The following GPSM1 variants were observed in gnomAD, a reference collection of about 807,000 sequenced individuals.
The protein encoded by GPSM1 is G protein signaling modulator 1.
In GPSM1, 48 loss-of-function variants were observed where a neutral mutation model predicts 70.5. The ratio of observed to expected loss-of-function variants is 0.68; its 90% confidence interval spans 0.54 to 0.87. The LOEUF is 0.87. GPSM1 is among the 40% of genes least tolerant of loss of function. The probability of loss-of-function intolerance (pLI) is 0.00; values close to 1 mark genes in which losing one functional copy is unlikely to be tolerated. For missense variants in GPSM1, 981 were observed against 972.6 expected, an observed-to-expected ratio of 1.01 and a Z score of -0.11; for synonymous variants, 416 against 430.1, an observed-to-expected ratio of 0.97 and a Z score of 0.41.
intron 10 of GPSM1, 79 bp downstream of exon 10, chr9:136,348,846 C>T (rs782460029): frequency 1.1e-4 from 112 of 1,042,468 alleles, no homozygotes; most frequent in Non-Finnish European, 1.5e-4. Context: ...GCAGAGCCAC[C>T]GCCACCCACC....
At chr9:136,344,153 T>TGCGGACAGGATCGGGGGGAGGC (rs1564349546) in intron 9 of GPSM1, among the ~76,000 whole-genome samples, 38 of 72,252 alleles carry the variant, frequency 5.3e-4, no homozygotes, top group African/African-American at 1.5e-3. Context: ...ACGGGGGAGG[T>TGCGGACAGGATCGGGGGGAGGC]GCGGACAGGA....
intron 9 of GPSM1, among the ~76,000 whole-genome samples, chr9:136,348,202 C>T (rs1243321226): frequency 2.0e-5 from 3 of 152,200 alleles, no homozygotes; most frequent in Non-Finnish European, 2.9e-5. Context: ...CATCTGAGGC[C>T]TTTGCGTCCC....
intron 9 of GPSM1, among the ~76,000 whole-genome samples, chr9:136,347,865 C>T (rs1165162036): frequency 2.0e-5 from 3 of 152,228 alleles, no homozygotes; most frequent in Non-Finnish European, 2.9e-5. Flanking sequence ...TTTCGGGCCC[C>T]GCAGGGCTGA....
chr9:136,338,784 G>A (rs1294617653), intron 7 of GPSM1, 74 bp downstream of exon 7: 1 of 1,421,572 alleles, frequency 7.0e-7, no homozygotes, highest in South Asian at 1.4e-5. Context: ...AGGCGAGGTG[G>A]CCTGGGTCCC....
intron 11 of GPSM1, among the ~76,000 whole-genome samples, chr9:136,350,350 C>T (rs533353299): frequency 6.6e-6 from 1 of 152,258 alleles, no homozygotes; most frequent in Admixed American, 6.5e-5. Flanking sequence ...AACACAGTCC[C>T]TGGGGGAATC....
intron 11 of GPSM1, chr9:136,353,252 C>T (rs1478944999): frequency 1.3e-5 from 3 of 239,004 alleles, no homozygotes; most frequent in African/African-American, 6.9e-5. Flanking sequence ...CGGGTGCATT[C>T]CCCTCCTCCG....
intron 1 of GPSM1, chr9:136,332,063 C>A (rs1277608531): frequency 2.5e-6 from 1 of 398,926 alleles, no homozygotes; most frequent in East Asian, 3.6e-5. Context: ...CGGAGAAGGC[C>A]GTGTGCAAGG....
chr9:136,337,002 G>C lies in GPSM1; in HGVS notation c.508G>C (p.Ala170Pro). 6.4e-7 allele frequency: 1 copy of C among 1,553,264 alleles called. No individual in the cohort carries two copies. Among genetic ancestry groups the C allele is most frequent in the South Asian group, 1.2e-5 (1 of 84,194 alleles). Residue 170 changes from alanine to proline, a missense_variant, in exon 4 of 14, where the codon GCC becomes CCC. Physicochemically the swap from Ala to Pro is conservative, Grantham distance 27. Transcript: ENST00000440944. ...GKQLSWNAAN[A>P]TQDPGHLPPD... ...GCAACTGTCCTGGAACGCCGCAAACGCCACGCAGGACCCCGGGCACCTGCC... is the reference window on the plus strand; with the variant it reads ...GCAACTGTCCTGGAACGCCGCAAACCCCACGCAGGACCCCGGGCACCTGCC...
intron 11 of GPSM1, among the ~76,000 whole-genome samples, chr9:136,352,555 C>T (rs1199034173): frequency 6.6e-6 from 1 of 152,206 alleles, no homozygotes; most frequent in African/African-American, 2.4e-5. Flanking sequence ...GAGGCAGCAA[C>T]CAGAGGCTTG....
Position 136,358,362 on chromosome 9 carries a change from G to C in GPSM1, c.*142G>C. The stretch of plus-strand genomic sequence containing the variant: ...CGGCCTCCCCGACCCAGGGCGACAG[G>C]CTCAGGCCAAGCTGCCCGTGGTGGG... On this transcript the variant is annotated 3_prime_UTR_variant, in exon 14 of 14. Coordinates refer to ENST00000440944, the MANE Select transcript of GPSM1 (RefSeq NM_001145638.3). 1.3e-6 allele frequency: 1 copy of C among 790,708 alleles called. No homozygotes were observed. The highest frequency in any genetic ancestry group is 1.7e-5 in the South Asian group (1 of 60,130). The allele number at this position is 790,708 out of a possible 1,614,324, so 49.0% of individuals were successfully genotyped here. A position where few individuals can be genotyped will look rare whatever the true frequency, so the allele number is the denominator to read the frequency against.
At position 136,342,887 on chromosome 9, in the gene GPSM1, C is replaced by T. The variant is rs1446363128; in HGVS notation, c.1207+1894C>T. Among the ~76,000 whole-genome samples, 9 of 140,252 alleles carry T rather than the reference C, an allele frequency of 6.4e-5. No individual in the cohort carries two copies. The highest frequency in any genetic ancestry group is 2.3e-4 in the African/African-American group (9 of 38,650). The allele number at this position is 140,252 out of a possible 152,430, so 92.0% of individuals were successfully genotyped here. ...AGGAGGAAGTCGTCTGGAGGTGGGG[C>T]TTCAGCCCGGCGGGGACGCGGTGGG... On this transcript the variant is annotated intron_variant, in intron 9 of 13. Transcript: ENST00000440944. The surrounding 1 kb of genome is among the most constrained non-coding windows in gnomAD (Gnocchi z 5.5).
At chr9:136,328,193 G>A (rs1369943907) in intron 1 of GPSM1, among the ~76,000 whole-genome samples, 1 of 152,254 alleles carries the variant, frequency 6.6e-6, no homozygotes, top group African/African-American at 2.4e-5. Flanking sequence ...AGCTGGGTTG[G>A]AAGGGAGCCA....
At chr9:136,346,207 G>T (rs1311139944) in intron 9 of GPSM1, among the ~76,000 whole-genome samples, 2 of 152,202 alleles carry the variant, frequency 1.3e-5, no homozygotes, top group Non-Finnish European at 2.9e-5. Context: ...CAGAGGCCAG[G>T]CCAGGGAAGC....
At chr9:136,344,194 AGGCGCGGACAGGAGCGGGGTGGG>A (rs1476444944) in intron 9 of GPSM1, among the ~76,000 whole-genome samples, 5 of 37,606 alleles carry the variant, frequency 1.3e-4, no homozygotes, top group Admixed American at 3.7e-4. Flanking sequence ...GAGCGGGGGG[AGGCGCGGACAGGAGCGGGGTGGG>A]GGCGCGGACA....
Position 136,336,053 on chromosome 9 carries a change from C to G in GPSM1, c.378C>G (p.Ala126=). ...LKVLGRFDEA[A]VCCQRHLSIA... ...TCCTGGGGCGCTTCGACGAGGCTGC[C>G]GTCTGCTGCCAGCGGCATCTGAGCA... Residue 126 remains alanine (A), a synonymous_variant, in exon 3 of 14, where the codon GCC becomes GCG. Transcript: ENST00000440944. 2 of 1,612,256 alleles carry G rather than the reference C, an allele frequency of 1.2e-6. No homozygotes were observed. Among genetic ancestry groups the G allele is most frequent in the African/African-American group, 1.3e-5 (1 of 75,050 alleles).
chr9:136,337,780 C>T, intron 5 of GPSM1, 66 bp from the exon 6 acceptor site: 1 of 1,294,084 alleles, frequency 7.7e-7, no homozygotes, highest in Non-Finnish European at 1.1e-6. Flanking sequence ...GGAGGCAGCC[C>T]CTGTCCGCCC....
rs1223182376 is a variant in GPSM1, at chr9:136,336,016, A to G, written c.341A>G (p.Asn114Ser). The change falls in exon 3 of 14, where the codon AAC becomes AGC. Residue 114 changes from asparagine (N) to serine (S), a missense_variant. Coordinates refer to ENST00000440944, the MANE Select transcript of GPSM1 (RefSeq NM_001145638.3). Reference protein sequence around the residue: ...GEAKASGNLGNTLKVLGRFDE... With the variant: ...GEAKASGNLGSTLKVLGRFDE... ...GCCAAGGCCAGTGGAAACCTGGGAA[A>G]CACACTCAAGGTCCTGGGGCGCTTC... 6.2e-7 allele frequency: 1 copy of G among 1,612,462 alleles called. No individual in the cohort carries two copies. Among genetic ancestry groups the G allele is most frequent in the East Asian group, 2.2e-5 (1 of 44,892 alleles).
intron 11 of GPSM1, 127 bp downstream of exon 11, chr9:136,349,890 C>G: frequency 1.2e-6 from 1 of 847,308 alleles, no homozygotes; most frequent in Non-Finnish European, 1.8e-6. Context: ...GGTCCCTCCC[C>G]GGTGCACCTG....
At position 136,348,768 on chromosome 9, in the gene GPSM1, G is replaced by A; in HGVS notation, c.1278+1G>A. ...CCTGCTGAGACTCCCCCTGGAGCGG[G>A]TGAGCCAGGGACACGGGACCGATGT... On this transcript the variant is annotated splice_donor_variant, in intron 10 of 13. Transcript: ENST00000440944. LOFTEE classifies it high-confidence loss of function. 6.2e-7 allele frequency: 1 copy of A among 1,608,402 alleles called. No individual in the cohort carries two copies. The highest frequency in any genetic ancestry group is 8.5e-7 in the Non-Finnish European group (1 of 1,176,288).
Sources: allele counts gnomAD v4.1 joint callset (sites outside exome capture counted in the v4.1 genomes callset), GRCh38; gene constraint gnomAD v4.1.1; non-coding constraint Gnocchi (gnomAD v3.1); transcripts MANE v1.5; gene names NCBI Gene and HGNC (gene_info 2026-07-23, HGNC 2026-07-21).